Variants in VPS13B observed in about 807,000 individuals in gnomAD.
VPS13B encodes intermembrane lipid transfer protein VPS13B.
Under a neutral mutation model 426.4 loss-of-function variants are expected in VPS13B, and 285 were observed. The ratio of observed to expected loss-of-function variants is 0.67; its 90% CI spans 0.61 to 0.74. VPS13B has a LOEUF of 0.74. VPS13B is among the 30% of genes least tolerant of loss of function. The pLI, the probability that VPS13B is intolerant of heterozygous loss-of-function variation, is 0.00. For synonymous variants in VPS13B, 1,676 were observed against 1,676.4 expected, an observed-to-expected ratio of 1.00 and a Z score of 0.01; for missense variants, 4,537 against 4,782.6, an observed-to-expected ratio of 0.95 and a Z score of 1.51.
chr8:99,595,076 T>G (rs1450414468), intron 33 of VPS13B, among the ~76,000 whole-genome samples: 1 of 151,972 alleles, frequency 6.6e-6, no homozygotes, highest in Admixed American at 6.6e-5. Context: ...CTTCATAAGC[T>G]CTGTATGGTT....
chr8:99,545,618 C>G (rs116864816), intron 30 of VPS13B, among the ~76,000 whole-genome samples: 18 of 152,116 alleles, frequency 1.2e-4, no homozygotes, highest in African/African-American at 3.4e-4. Context: ...ATAGATTTCA[C>G]GAAATTGTGT....
intron 3 of VPS13B, among the ~76,000 whole-genome samples, chr8:99,052,699 C>T (rs1196557175): frequency 6.6e-6 from 1 of 151,962 alleles, no homozygotes; most frequent in Non-Finnish European, 1.5e-5. Flanking sequence ...ATTATTGCCT[C>T]AATTTCAGAG....
intron 55 of VPS13B, among the ~76,000 whole-genome samples, chr8:99,851,431 A>G (rs750491900): frequency 9.2e-5 from 14 of 152,206 alleles, no homozygotes; most frequent in African/African-American, 1.7e-4. Context: ...ATGGTGCAGT[A>G]GAAGGTCAGC....
chr8:99,871,601 C>G lies in VPS13B; in HGVS notation c.11649C>G (p.Ala3883=), dbSNP rs781535467. ...VSVSEDTQQQ[A]FPVTEIDCAQ... is the part of the protein sequence containing the mutation. Reference sequence around the variant, plus strand: ...TCAGTGAGGACACACAGCAGCAGGCCTTCCCCGTCACAGAAATCGACTGTG... The same window carrying G: ...TCAGTGAGGACACACAGCAGCAGGCGTTCCCCGTCACAGAAATCGACTGTG... Residue 3883 remains alanine, a synonymous_variant, in exon 61 of 62, where the codon GCC becomes GCG. Transcript: ENST00000357162. The G allele has an allele frequency of 3.1e-6, 5 of 1,614,056 alleles. No homozygotes were observed. Among genetic ancestry groups the G allele is most frequent in the Non-Finnish European group, 2.5e-6 (3 of 1,180,048 alleles).
rs754701678 is a variant in VPS13B at position 99,028,522 on chromosome 8, AC to A, written c.148-9890del. Among the ~76,000 whole-genome samples, 64 of 50,008 alleles carry A rather than the reference AC, an allele frequency of 1.3e-3. 8 individuals carry two copies. Among genetic ancestry groups the A allele is most frequent in the East Asian group, 4.6e-3 (6 of 1,300 alleles). The allele number at this position is 50,008 out of a possible 152,430, so 32.8% of individuals were successfully genotyped here. A position where few individuals can be genotyped will look rare whatever the true frequency, so the allele number is the denominator to read the frequency against. On this transcript the variant is annotated intron_variant, in intron 2 of 61. Coordinates refer to ENST00000357162, the MANE Select transcript of VPS13B (RefSeq NM_152564.5). ...GGGCGGCTGGCCGGGCGGGGGGCTG[AC>A]CCCCCCCCCCACCTCCCTCCCGGAC... is the stretch of plus-strand genomic sequence containing the variant.
At chr8:99,101,070 A>T (rs1846712865) in intron 4 of VPS13B, among the ~76,000 whole-genome samples, 1 of 151,978 alleles carries the variant, frequency 6.6e-6, no homozygotes, top group Admixed American at 6.6e-5. Flanking sequence ...CCTGTTCATG[A>T]CAGGTTTTTG....
At chr8:99,821,168 C>CACACACACACA in intron 49 of VPS13B, 126 bp from the exon 50 acceptor site, 1 of 416,244 alleles carries the variant, frequency 2.4e-6, no homozygotes. Flanking sequence ...ACACACACAC[C>CACACACACACA]ATGGAGGGAT....
intron 22 of VPS13B, 81 bp downstream of exon 22, chr8:99,431,745 T>G (rs1817124399): frequency 2.1e-6 from 3 of 1,427,898 alleles, no homozygotes; most frequent in Middle Eastern, 2.3e-4. Flanking sequence ...TTGGTAAGAC[T>G]TTTCTCACAT....
intron 39 of VPS13B, among the ~76,000 whole-genome samples, chr8:99,766,424 C>T (rs1811229531): frequency 6.6e-6 from 1 of 152,082 alleles, no homozygotes; most frequent in Non-Finnish European, 1.5e-5. Flanking sequence ...TGTACTTAGC[C>T]CTTTCTCTGC....
At chr8:99,059,279 G>A (rs944984626) in intron 3 of VPS13B, among the ~76,000 whole-genome samples, 3 of 152,184 alleles carry the variant, frequency 2.0e-5, no homozygotes, top group Non-Finnish European at 4.4e-5. Flanking sequence ...TGGTACTACA[G>A]GCGGAAGCCA....
intron 23 of VPS13B, among the ~76,000 whole-genome samples, chr8:99,448,126 TTTA>T (rs1343948143): frequency 5.1e-5 from 4 of 78,520 alleles, no homozygotes; most frequent in Admixed American, 4.0e-4. Context: ...TTTATTTTTA[TTTA>T]TTTATTTATT....
chr8:99,377,468 T>A (rs561278691), intron 19 of VPS13B, among the ~76,000 whole-genome samples: 247 of 152,370 alleles, frequency 1.6e-3, no homozygotes, highest in Non-Finnish European at 3.0e-3. Flanking sequence ...CTTTTTAACA[T>A]GTTTAGTGAG....
intron 19 of VPS13B, chr8:99,347,983 C>A (rs1811635211): frequency 6.6e-6 from 1 of 152,352 alleles, no homozygotes; most frequent in Non-Finnish European, 1.5e-5. Flanking sequence ...GATGATATGG[C>A]CATTTGGCCA....
intron 2 of VPS13B, 55 bp downstream of exon 2, chr8:99,013,990 A>G: frequency 6.2e-7 from 1 of 1,612,178 alleles, no homozygotes; most frequent in Non-Finnish European, 8.5e-7. Flanking sequence ...TTTAGACGGT[A>G]ATCTATTGTT....
chr8:99,661,979 G>A (rs891691382), intron 35 of VPS13B, among the ~76,000 whole-genome samples: 2 of 152,142 alleles, frequency 1.3e-5, no homozygotes, highest in African/African-American at 2.4e-5. Context: ...TAATTACTCA[G>A]TTTTAGATAG....
At chr8:99,273,335 T>C (rs1397400291) in intron 17 of VPS13B, among the ~76,000 whole-genome samples, 584 of 11,406 alleles carry the variant, frequency 0.051, 6 homozygotes, top group African/African-American at 0.13. Context: ...ATTTTTGTAC[T>C]TTTTTTTTTT....
At chr8:99,223,187 T>C (rs1268555057) in intron 17 of VPS13B, among the ~76,000 whole-genome samples, 1 of 152,202 alleles carries the variant, frequency 6.6e-6, no homozygotes, top group Non-Finnish European at 1.5e-5. Flanking sequence ...AATTATTTAT[T>C]TTACTGTGTA....
At chr8:99,524,124 C>A (rs1389379005) in intron 30 of VPS13B, among the ~76,000 whole-genome samples, 1 of 151,896 alleles carries the variant, frequency 6.6e-6, no homozygotes, top group Admixed American at 6.6e-5. Context: ...AGTCTCTTAA[C>A]AGCAAAATTG....
intron 51 of VPS13B, among the ~76,000 whole-genome samples, chr8:99,828,313 A>C (rs1008027426): frequency 3.4e-5 from 5 of 146,906 alleles, no homozygotes; most frequent in Admixed American, 2.0e-4. Flanking sequence ...TCCCTTTACC[A>C]TTATGTAATG....
Sources: allele counts gnomAD v4.1 joint callset (sites outside exome capture counted in the v4.1 genomes callset), GRCh38; gene constraint gnomAD v4.1.1; transcripts MANE v1.5; gene names NCBI Gene and HGNC (gene_info 2026-07-23, HGNC 2026-07-21).